Variants in SHISA9 observed in about 807,000 individuals in gnomAD.
SHISA9 encodes the protein shisa family member 9, also known as protein shisa-9.
In SHISA9, 13 loss-of-function variants were observed where a neutral mutation model predicts 38.0. The observed-to-expected ratio is 0.34, with a 90% CI of 0.22 to 0.54. The LOEUF is 0.54. SHISA9 is among the 20% of genes least tolerant of loss of function. The pLI is 0.91. For missense variants in SHISA9, 538 were observed against 575.8 expected (o/e 0.93, Z 0.67); for synonymous variants, 275 against 242.0 (o/e 1.14, Z -1.27).
At chr16:13,292,753 T>C in the SHISA9 span, among the ~76,000 whole-genome samples, 1 of 152,166 alleles carries the variant, frequency 6.6e-6, no homozygotes, top group African/African-American at 2.4e-5. Flanking sequence ...GTCTTGTATA[T>C]TGTACCCTGA....
At chr16:13,305,421 T>G in the SHISA9 span, among the ~76,000 whole-genome samples, 1 of 152,212 alleles carries the variant, frequency 6.6e-6, no homozygotes, top group East Asian at 1.9e-4. Context: ...GGAATGTACT[T>G]TTAATAAACA....
intron 2 of SHISA9, among the ~76,000 whole-genome samples, chr16:13,181,677 T>G (rs993616973): frequency 2.6e-5 from 4 of 151,962 alleles, no homozygotes; most frequent in Admixed American, 2.6e-4. Flanking sequence ...GTTAATGGAT[T>G]GGAAGTGAGT....
intron 2 of SHISA9, among the ~76,000 whole-genome samples, chr16:13,186,520 A>G (rs1481376178): frequency 6.6e-6 from 1 of 151,078 alleles, no homozygotes; most frequent in African/African-American, 2.4e-5. Flanking sequence ...CTGGTCTCGA[A>G]CTCCTGACCT....
intron 2 of SHISA9, among the ~76,000 whole-genome samples, chr16:13,029,238 G>A (rs1381145830): frequency 1.3e-5 from 2 of 152,180 alleles, no homozygotes; most frequent in African/African-American, 4.8e-5. Flanking sequence ...AGCAACCTAA[G>A]TGTCCATCAG....
chr16:13,396,132 A>G, the SHISA9 span, among the ~76,000 whole-genome samples: 662 of 152,336 alleles, frequency 4.3e-3, 16 homozygotes, highest in East Asian at 0.032. Flanking sequence ...GAGGCCTCAG[A>G]TACTAACATT....
chr16:13,326,722 G>A, the SHISA9 span, among the ~76,000 whole-genome samples: 106,863 of 151,956 alleles, frequency 0.7, 38,283 homozygotes, highest in African/African-American at 0.83. Flanking sequence ...CGCCTTCTCA[G>A]AAAAAGAAAG....
the SHISA9 span, among the ~76,000 whole-genome samples, chr16:13,452,577 G>A: frequency 6.6e-6 from 1 of 152,164 alleles, no homozygotes; most frequent in Non-Finnish European, 1.5e-5. Context: ...GATCGGATGG[G>A]TGTTAGTCTC....
At chr16:13,377,783 T>G in the SHISA9 span, among the ~76,000 whole-genome samples, 1 of 152,214 alleles carries the variant, frequency 6.6e-6, no homozygotes, top group Non-Finnish European at 1.5e-5. Flanking sequence ...ATCCCAGCAT[T>G]TTGGGAGGCC....
intron 2 of SHISA9, among the ~76,000 whole-genome samples, chr16:13,114,612 G>T (rs941515264): frequency 6.6e-6 from 1 of 151,748 alleles, no homozygotes; most frequent in Admixed American, 6.6e-5. Context: ...ACATAAGAAT[G>T]AATACATTAC....
chr16:13,469,360 AAAGAAAAAGAAAG>A, the SHISA9 span, among the ~76,000 whole-genome samples: 63 of 44,456 alleles, frequency 1.4e-3, no homozygotes, highest in Admixed American at 3.4e-3. Context: ...GAAAGAAAGA[AAAGAAAAAGAAAG>A]AAAGAAAGAA....
At chr16:13,324,532 A>G in the SHISA9 span, among the ~76,000 whole-genome samples, 7 of 151,336 alleles carry the variant, frequency 4.6e-5, no homozygotes, top group African/African-American at 1.7e-4. Flanking sequence ...TAGTTAAGTA[A>G]TTTCACTTCT....
chr16:12,915,992 T>C (rs1013091853), intron 1 of SHISA9, among the ~76,000 whole-genome samples: 9 of 138,772 alleles, frequency 6.5e-5, no homozygotes, highest in African/African-American at 2.4e-4. Flanking sequence ...CTGAGTTTTT[T>C]TTTTGTGTGT....
At chr16:13,510,564 G>A in the SHISA9 span, among the ~76,000 whole-genome samples, 1 of 152,166 alleles carries the variant, frequency 6.6e-6, no homozygotes, top group Non-Finnish European at 1.5e-5. Context: ...CACAACCAGT[G>A]TTTTCAAGTT....
intron 2 of SHISA9, among the ~76,000 whole-genome samples, chr16:12,927,043 G>A (rs948851988): frequency 1.3e-5 from 2 of 152,132 alleles, no homozygotes; most frequent in Non-Finnish European, 2.9e-5. Context: ...TTTTTTTTCA[G>A]TCAGCCTGCT....
the SHISA9 span, among the ~76,000 whole-genome samples, chr16:13,386,940 C>T: frequency 6.6e-6 from 1 of 152,162 alleles, no homozygotes; most frequent in Non-Finnish European, 1.5e-5. Context: ...CTCTGGGCTA[C>T]ATATGAGAAA....
intron 2 of SHISA9, among the ~76,000 whole-genome samples, chr16:13,074,668 CTT>C (rs947582644): frequency 3.5e-5 from 5 of 141,038 alleles, no homozygotes; most frequent in Non-Finnish European, 3.1e-5. Flanking sequence ...TTTTCTTTTT[CTT>C]TTTTTTTTTT....
At position 12,961,470 on chromosome 16, in the gene SHISA9, G is replaced by A. The variant is rs998684942; in HGVS notation, c.691+44655G>A. On this transcript the variant is annotated intron_variant, in intron 2 of 4. Coordinates refer to ENST00000558583, the MANE Select transcript of SHISA9 (RefSeq NM_001145204.3). ...GAAGTGGAGGCGGTTCCATCAACAC[G>A]GAGTGGATTAAATAAACCATATTAC... 6.6e-5 allele frequency among the ~76,000 whole-genome samples: 10 copies of A among 152,134 alleles called. 1 individual carries two copies. The highest frequency in any genetic ancestry group is 2.4e-4 in the African/African-American group (10 of 41,416).
At chr16:13,265,418 C>CTCCTCTTTCTCTCCTCTCCT in the SHISA9 span, among the ~76,000 whole-genome samples, 1 of 121,772 alleles carries the variant, frequency 8.2e-6, no homozygotes, top group African/African-American at 3.2e-5. Flanking sequence ...TCTCCTCCCC[C>CTCCTCTTTCTCTCCTCTCCT]CTCCCCTCCT....
At chr16:13,396,188 G>A in the SHISA9 span, among the ~76,000 whole-genome samples, 1 of 152,176 alleles carries the variant, frequency 6.6e-6, no homozygotes, top group East Asian at 1.9e-4. Flanking sequence ...CCAAATGGAT[G>A]AGTCTCCTCT....
Sources: gnomAD v4.1 joint callset for allele counts (sites outside exome capture counted in the v4.1 genomes callset) on GRCh38, gnomAD v4.1.1 for gene constraint, MANE v1.5 for transcripts, NCBI Gene and HGNC (gene_info 2026-07-23, HGNC 2026-07-21) for gene names.